The following TPX2 variants were observed in gnomAD, a reference collection of about 807,000 sequenced individuals.
TPX2 encodes targeting protein for Xklp2.
A neutral mutation model predicts 93.6 loss-of-function variants in TPX2; 21 were observed. The ratio of observed to expected loss-of-function variants is 0.22; its 90% confidence interval spans 0.16 to 0.32. TPX2 has a LOEUF of 0.32. TPX2 is among the 10% of genes least tolerant of loss of function. The pLI is 1.00. For synonymous variants in TPX2, 281 were observed against 298.3 expected (o/e 0.94, Z 0.60); for missense variants, 776 against 871.1 (o/e 0.89, Z 1.37).
At chr20:31,750,284 A>G (rs1203275254) in intron 2 of TPX2, among the ~76,000 whole-genome samples, 2 of 151,896 alleles carry the variant, frequency 1.3e-5, no homozygotes, top group Non-Finnish European at 2.9e-5. Flanking sequence ...CAGTCTCCCA[A>G]GTAGCTGGGA....
At chr20:31,744,257 G>A (rs1405547127) in intron 2 of TPX2, among the ~76,000 whole-genome samples, 1 of 143,932 alleles carries the variant, frequency 6.9e-6, no homozygotes, top group African/African-American at 2.7e-5. Flanking sequence ...CCGCCTCCCA[G>A]GTTCAAGCAA....
At chr20:31,762,880 A>C (rs755662306) in intron 4 of TPX2, among the ~76,000 whole-genome samples, 1 of 152,110 alleles carries the variant, frequency 6.6e-6, no homozygotes, top group Non-Finnish European at 1.5e-5. Flanking sequence ...GGGCTTAAAC[A>C]ATCCTACCAC....
intron 2 of TPX2, among the ~76,000 whole-genome samples, chr20:31,747,339 C>T (rs946089576): frequency 2.0e-5 from 3 of 152,226 alleles, no homozygotes; most frequent in African/African-American, 2.4e-5. Context: ...TGGCTGATCT[C>T]GAACTCCTGA....
chr20:31,775,827 TC>T (rs761347976), intron 7 of TPX2, 39 bp from the exon 8 acceptor site: 2 of 1,443,812 alleles, frequency 1.4e-6, no homozygotes, highest in South Asian at 3.3e-5. Flanking sequence ...TGGGTGCCTT[TC>T]TCCTCTCCTC....
intron 15 of TPX2, among the ~76,000 whole-genome samples, chr20:31,797,177 G>C (rs886994937): frequency 3.3e-5 from 5 of 152,002 alleles, no homozygotes; most frequent in African/African-American, 7.3e-5. Flanking sequence ...ATGCAAACTT[G>C]GGAATCTTAA....
chr20:31,742,990 G>A (rs1416600992), intron 2 of TPX2, among the ~76,000 whole-genome samples: 6 of 152,094 alleles, frequency 3.9e-5, no homozygotes, highest in Admixed American at 6.6e-5. Context: ...TGAGGCAGGC[G>A]GATCACCTGA....
chr20:31,785,769 A>T (rs532446235), intron 12 of TPX2, among the ~76,000 whole-genome samples: 5 of 152,180 alleles, frequency 3.3e-5, no homozygotes, highest in Admixed American at 3.3e-4. Context: ...GAGTGCTGGG[A>T]TTACAGGCGT....
intron 7 of TPX2, among the ~76,000 whole-genome samples, chr20:31,774,759 T>A (rs1200397825): frequency 6.6e-6 from 1 of 152,212 alleles, no homozygotes; most frequent in African/African-American, 2.4e-5. Flanking sequence ...ACTTTCCTCA[T>A]TCTACTGGTC....
At chr20:31,782,889 T>TAC (rs71926112) in intron 11 of TPX2, among the ~76,000 whole-genome samples, 3,808 of 142,652 alleles carry the variant, frequency 0.027, 56 homozygotes, top group African/African-American at 0.039. Flanking sequence ...CATACACACA[T>TAC]ACACACACAC....
intron 2 of TPX2, among the ~76,000 whole-genome samples, chr20:31,747,521 A>G (rs2061791543): frequency 6.6e-6 from 1 of 152,186 alleles, no homozygotes; most frequent in African/African-American, 2.4e-5. Flanking sequence ...AATGGGCTAT[A>G]AGACACGATG....
chr20:31,753,198 T>C (rs1162677349), intron 2 of TPX2, among the ~76,000 whole-genome samples: 1 of 152,190 alleles, frequency 6.6e-6, no homozygotes, highest in Non-Finnish European at 1.5e-5. Context: ...CTTAACTTCA[T>C]GAACACCCTT....
Position 31,770,422 on chromosome 20 carries a change from G to A in TPX2, c.436G>A (p.Ala146Thr). 3.7e-6 allele frequency: 6 copies of A among 1,606,082 alleles called. No individual in the cohort carries two copies. Among genetic ancestry groups the A allele is most frequent in the Non-Finnish European group, 5.1e-6 (6 of 1,175,998 alleles). Reference sequence around the variant, plus strand: ...TGTAAAAATGAAAGCCAAGAGATGTGCCACTCCTGTAATCATCGATGAAAT... The same window carrying A: ...TGTAAAAATGAAAGCCAAGAGATGTACCACTCCTGTAATCATCGATGAAAT... The part of the protein sequence containing the change: ...HHVKMKAKRC[A>T]TPVIIDEILP... Residue 146 changes from alanine (A) to threonine (T), a missense_variant, in exon 6 of 18, where the codon GCC (alanine) becomes ACC (threonine). Ala to Thr is a moderately conservative substitution (Grantham distance 58). Coordinates refer to ENST00000300403, the MANE Select transcript of TPX2 (RefSeq NM_012112.5).
At chr20:31,790,765 T>A (rs1459624626) in intron 12 of TPX2, among the ~76,000 whole-genome samples, 1 of 152,178 alleles carries the variant, frequency 6.6e-6, no homozygotes, top group East Asian at 1.9e-4. Context: ...AGGTCTATGT[T>A]AGGTACTTGG....
rs554922471 is a variant in TPX2, at chr20:31,754,697, A to G, written c.-70-2710A>G. Among the ~76,000 whole-genome samples, 4 of 152,312 alleles carry G rather than the reference A, an allele frequency of 2.6e-5. No individual in the cohort carries two copies. In the South Asian group the frequency reaches 8.3e-4, roughly 32 times the overall value. ...TAAGGGAAGAATTATGGATGTGTAC[A>G]GAAATTTAGCTACAAGGATGATGCT... On this transcript the variant is annotated intron_variant, in intron 2 of 17. Transcript: ENST00000300403.
At position 31,761,197 on chromosome 20, in the gene TPX2, A is replaced by ATT. The variant is rs764823436; in HGVS notation, c.229+1038_229+1039dup. On this transcript the variant is annotated intron_variant, in intron 4 of 17. Coordinates refer to ENST00000300403, the MANE Select transcript of TPX2 (RefSeq NM_012112.5). Reference sequence around the variant, plus strand: ...CCTCCTGTCACCCCTCCTTCAATTAATTTTTTTTTTTTTTTTTTTTTGAGA... The same window carrying ATT: ...CCTCCTGTCACCCCTCCTTCAATTAATTTTTTTTTTTTTTTTTTTTTTTGAGA... 5.9e-4 allele frequency among the ~76,000 whole-genome samples: 77 copies of ATT among 130,676 alleles called. 1 individual carries two copies. The highest frequency in any genetic ancestry group is 8.0e-4 in the Non-Finnish European group (49 of 60,972). 85.7% of individuals were successfully genotyped at this position (130,676 alleles called of 152,430 possible).
At position 31,760,126 on chromosome 20, in the gene TPX2, C is replaced by T; in HGVS notation, c.176C>T (p.Thr59Ile). The T allele has an allele frequency of 6.2e-7, 1 of 1,613,936 alleles. No homozygotes were observed. Among genetic ancestry groups the T allele is most frequent in the Non-Finnish European group, 8.5e-7 (1 of 1,179,984 alleles). The change falls in exon 4 of 18, where the codon ACT becomes ATT. Residue 59 changes from threonine to isoleucine, a missense_variant. Physicochemically the swap from Thr to Ile is moderately conservative, Grantham distance 89 (BLOSUM62 -1). Transcript: ENST00000300403. ...ACTGGAGGGCTTTTTCAGGGCAAAA[C>T]TCCTTTGAGAAAGGCTAATCTTCAG... ...NGTGGLFQGK[T>I]PLRKANLQQA... is the part of the protein sequence containing the mutation.
At chr20:31,744,159 CTTT>C (rs11465034) in intron 2 of TPX2, among the ~76,000 whole-genome samples, 13 of 112,222 alleles carry the variant, frequency 1.2e-4, no homozygotes, top group East Asian at 2.2e-4. Flanking sequence ...ATTTTTTTAA[CTTT>C]TTTTTTTTTT....
chr20:31,780,868 TG>T, intron 10 of TPX2: 1 of 347,004 alleles, frequency 2.9e-6, no homozygotes, highest in Non-Finnish European at 5.5e-6. Context: ...TTCATAAAAT[TG>T]GGAGTTTTCA....
At chr20:31,787,052 A>G (rs1337114137) in intron 12 of TPX2, among the ~76,000 whole-genome samples, 2 of 152,000 alleles carry the variant, frequency 1.3e-5, no homozygotes, top group Admixed American at 1.3e-4. Flanking sequence ...CCTGACACGC[A>G]GTAAGCAGGG....
Sources: gnomAD v4.1 joint callset for allele counts (sites outside exome capture counted in the v4.1 genomes callset) on GRCh38, gnomAD v4.1.1 for gene constraint, MANE v1.5 for transcripts, NCBI Gene and HGNC (gene_info 2026-07-23, HGNC 2026-07-21) for gene names.